Variants in PRKG1 observed in about 807,000 individuals in gnomAD.
The protein encoded by PRKG1 is cGMP-dependent protein kinase 1.
Under a neutral mutation model 88.1 loss-of-function variants are expected in PRKG1, and 35 were observed. The ratio of observed to expected loss-of-function variants is 0.40; its 90% confidence interval spans 0.30 to 0.53. The LOEUF is 0.53. Among genes scored for constraint, PRKG1 ranks in the 20% least tolerant of loss-of-function variants. PRKG1 has a pLI of 0.59. For missense variants in PRKG1, 540 were observed against 839.8 expected (o/e 0.64, Z 4.41); for synonymous variants, 303 against 292.5 (o/e 1.04, Z -0.37).
chr10:52,139,377 G>C (rs368627944), intron 8 of PRKG1, among the ~76,000 whole-genome samples: 3 of 152,096 alleles, frequency 2.0e-5, no homozygotes, highest in East Asian at 3.9e-4. Context: ...AGCCACAACA[G>C]CATCAGTCCC....
intron 1 of PRKG1, among the ~76,000 whole-genome samples, chr10:51,124,551 G>T (rs1247892345): frequency 1.3e-5 from 2 of 152,116 alleles, no homozygotes; most frequent in South Asian, 2.1e-4. Flanking sequence ...ATCCCTAAAG[G>T]CCAGAATGCT....
chr10:51,297,824 A>G (rs761918189), intron 2 of PRKG1, among the ~76,000 whole-genome samples: 1 of 152,098 alleles, frequency 6.6e-6, no homozygotes, highest in Non-Finnish European at 1.5e-5. Context: ...TCATGATGAT[A>G]ATGATTACGA....
At chr10:51,477,476 T>G (rs1400964076) in intron 3 of PRKG1, among the ~76,000 whole-genome samples, 1 of 151,720 alleles carries the variant, frequency 6.6e-6, no homozygotes, top group Non-Finnish European at 1.5e-5. Context: ...ATTGCTTGGG[T>G]TCTCATCCTT....
chr10:52,050,171 G>A (rs906615788), intron 5 of PRKG1, among the ~76,000 whole-genome samples: 3 of 152,078 alleles, frequency 2.0e-5, no homozygotes, highest in African/African-American at 7.2e-5. Context: ...GGCAGTAGGA[G>A]TGCTCAGGCC....
intron 1 of PRKG1, among the ~76,000 whole-genome samples, chr10:51,134,140 T>C (rs2131942148): frequency 6.6e-6 from 1 of 152,322 alleles, no homozygotes; most frequent in South Asian, 2.1e-4. Flanking sequence ...TGCATTCTTG[T>C]TGCTTCCAAA....
At chr10:52,211,493 C>T (rs1332123993) in intron 9 of PRKG1, among the ~76,000 whole-genome samples, 1 of 152,024 alleles carries the variant, frequency 6.6e-6, no homozygotes, top group African/African-American at 2.4e-5. Flanking sequence ...TTATTTATTT[C>T]TATTTAAGAA....
chr10:51,180,217 G>A (rs931542154), intron 2 of PRKG1, among the ~76,000 whole-genome samples: 2 of 152,110 alleles, frequency 1.3e-5, no homozygotes, highest in African/African-American at 4.8e-5. Flanking sequence ...TTATGAGAGG[G>A]GTGGAATCTG....
At chr10:51,811,578 T>G (rs1839457022) in intron 4 of PRKG1, among the ~76,000 whole-genome samples, 2 of 152,300 alleles carry the variant, frequency 1.3e-5, no homozygotes, top group African/African-American at 2.4e-5. Context: ...GAGAGCTGCC[T>G]CACATCACCC....
At chr10:51,449,762 G>T (rs293260) in intron 2 of PRKG1, among the ~76,000 whole-genome samples, 51,676 of 148,814 alleles carry the variant, frequency 0.35, 10,165 homozygotes, top group African/African-American at 0.5. Context: ...TAATTTTTGT[G>T]ACTAAAATAC....
chr10:52,164,281 G>T (rs1388157355), intron 9 of PRKG1, among the ~76,000 whole-genome samples: 1 of 152,004 alleles, frequency 6.6e-6, no homozygotes, highest in Non-Finnish European at 1.5e-5. Flanking sequence ...AACCTGGGAG[G>T]TGGAGGTTGC....
At chr10:52,164,727 C>T (rs112185473) in intron 9 of PRKG1, among the ~76,000 whole-genome samples, 3 of 152,010 alleles carry the variant, frequency 2.0e-5, no homozygotes, top group African/African-American at 7.3e-5. Flanking sequence ...TATAATATAG[C>T]CATTATGTTT....
chr10:51,468,909 A>G (rs899608614), intron 3 of PRKG1, among the ~76,000 whole-genome samples: 4 of 151,920 alleles, frequency 2.6e-5, no homozygotes, highest in African/African-American at 9.7e-5. Flanking sequence ...TGTCTTATAC[A>G]TCTTATTAGT....
chr10:51,315,749 G>C (rs1385880346), intron 2 of PRKG1, among the ~76,000 whole-genome samples: 1 of 152,158 alleles, frequency 6.6e-6, no homozygotes, highest in African/African-American at 2.4e-5. Context: ...ATATTAGAAA[G>C]AATTAAATAT....
chr10:52,246,245 C>T (rs949888869), intron 9 of PRKG1, among the ~76,000 whole-genome samples: 10 of 151,940 alleles, frequency 6.6e-5, no homozygotes, highest in Admixed American at 3.3e-4. Flanking sequence ...GATTCTTATT[C>T]CTTGGTTTTG....
chr10:52,182,828 G>T (rs551254152), intron 9 of PRKG1, among the ~76,000 whole-genome samples: 1 of 151,752 alleles, frequency 6.6e-6, no homozygotes, highest in Non-Finnish European at 1.5e-5. Flanking sequence ...TGCTGTTTTG[G>T]TTACTGTAGC....
chr10:52,075,835 C>A (rs1846614592), intron 7 of PRKG1, among the ~76,000 whole-genome samples: 2 of 152,260 alleles, frequency 1.3e-5, no homozygotes, highest in South Asian at 4.1e-4. Flanking sequence ...GAAAAACCAC[C>A]TGCTCTCTGG....
chr10:51,439,772 G>A (rs535865012), intron 2 of PRKG1, among the ~76,000 whole-genome samples: 1 of 151,978 alleles, frequency 6.6e-6, no homozygotes, highest in African/African-American at 2.4e-5. Context: ...ATTCTGAACT[G>A]TTTGTGTTTA....
intron 2 of PRKG1, among the ~76,000 whole-genome samples, chr10:51,368,114 T>C (rs1415925817): frequency 6.6e-6 from 1 of 152,066 alleles, no homozygotes; most frequent in Non-Finnish European, 1.5e-5. Context: ...AATATTTTCT[T>C]ATGCAGTTTT....
chr10:51,265,747 C>T (rs746205113), intron 2 of PRKG1, among the ~76,000 whole-genome samples: 42 of 152,104 alleles, frequency 2.8e-4, no homozygotes, highest in Admixed American at 4.6e-4. Flanking sequence ...AAAGAGGTTA[C>T]TTCTGGTTGA....
Sources: allele counts gnomAD v4.1 joint callset (sites outside exome capture counted in the v4.1 genomes callset), GRCh38; gene constraint gnomAD v4.1.1; transcripts MANE v1.5; gene names NCBI Gene and HGNC (gene_info 2026-07-23, HGNC 2026-07-21).